The following DIAPH3 variants were observed in gnomAD, a reference collection of about 807,000 sequenced individuals.
The protein encoded by DIAPH3 is diaphanous related formin 3.
A neutral mutation model predicts 144.3 loss-of-function variants in DIAPH3; 117 were observed. That is an observed-to-expected ratio of 0.81 (90% CI 0.70 to 0.95). The LOEUF (loss-of-function observed/expected upper bound fraction) is 0.95, where lower values mean the gene tolerates loss of function less well. Ranked by LOEUF, DIAPH3 falls within the 40% of genes least tolerant of loss-of-function variation. The pLI is 0.00. For missense variants in DIAPH3, 1,421 were observed against 1,412.7 expected (o/e 1.01, Z -0.09); for synonymous variants, 519 against 488.9 (o/e 1.06, Z -0.81).
intron 3 of DIAPH3, among the ~76,000 whole-genome samples, chr13:60,111,209 G>T (rs984997251): frequency 6.6e-6 from 1 of 152,066 alleles, no homozygotes; most frequent in Non-Finnish European, 1.5e-5. Context: ...CTTCATATAG[G>T]CCTCATTAAC....
chr13:60,092,695 A>G (rs1464893250), intron 4 of DIAPH3, among the ~76,000 whole-genome samples: 2 of 152,154 alleles, frequency 1.3e-5, no homozygotes, highest in Non-Finnish European at 2.9e-5. Context: ...CAGTACTCAC[A>G]GTGATTTCTA....
chr13:60,036,449 C>A (rs2055227065), intron 5 of DIAPH3, among the ~76,000 whole-genome samples: 2 of 150,688 alleles, frequency 1.3e-5, no homozygotes, highest in East Asian at 1.9e-4. Context: ...TTTTAGTTAA[C>A]TAAATTTAAA....
intron 22 of DIAPH3, among the ~76,000 whole-genome samples, chr13:59,841,802 GT>G (rs2042362852): frequency 6.6e-6 from 1 of 152,082 alleles, no homozygotes; most frequent in Non-Finnish European, 1.5e-5. Flanking sequence ...CGTCTTAAGT[GT>G]TTTCTATTAA....
chr13:60,092,421 G>T (rs2057968720), intron 4 of DIAPH3, among the ~76,000 whole-genome samples: 1 of 152,232 alleles, frequency 6.6e-6, no homozygotes, highest in Admixed American at 6.5e-5. Flanking sequence ...GGGAGGCCAA[G>T]GCGGGCGGAT....
At chr13:60,142,055 A>G (rs557510770) in intron 1 of DIAPH3, among the ~76,000 whole-genome samples, 6 of 152,368 alleles carry the variant, frequency 3.9e-5, no homozygotes, top group Non-Finnish European at 5.9e-5. Flanking sequence ...CTCCAACAGG[A>G]CAAAATGAAG....
chr13:60,156,939 ATTTTTTTTTTTTTTTT>A (rs757042309), intron 1 of DIAPH3, among the ~76,000 whole-genome samples: 6 of 82,066 alleles, frequency 7.3e-5, no homozygotes, highest in African/African-American at 5.4e-5. Flanking sequence ...ATATATATAT[ATTTTTTTTTTTTTTTT>A]TTTTGAGACA....
chr13:59,850,643 A>G (rs1478848242), intron 22 of DIAPH3, among the ~76,000 whole-genome samples: 16 of 151,908 alleles, frequency 1.1e-4, no homozygotes, highest in Admixed American at 1.3e-4. Context: ...CGTATATTGA[A>G]CCAGCCTTGC....
chr13:59,937,033 G>T (rs1389873372), intron 17 of DIAPH3, among the ~76,000 whole-genome samples: 1 of 151,760 alleles, frequency 6.6e-6, no homozygotes, highest in Non-Finnish European at 1.5e-5. Flanking sequence ...CGTGGTGGCG[G>T]GTTCCTGTTG....
intron 2 of DIAPH3, among the ~76,000 whole-genome samples, chr13:60,128,824 G>A (rs1243042988): frequency 1.3e-5 from 2 of 151,070 alleles, no homozygotes; most frequent in Non-Finnish European, 3.0e-5. Flanking sequence ...AAATTAGAAA[G>A]GAATGGAAAT....
At chr13:59,723,532 G>C (rs1009894513) in intron 27 of DIAPH3, among the ~76,000 whole-genome samples, 3 of 151,980 alleles carry the variant, frequency 2.0e-5, no homozygotes, top group Admixed American at 1.3e-4. Context: ...AAGTATTCAA[G>C]TCTCCTGGTA....
chr13:59,815,926 C>G (rs1158653788), intron 24 of DIAPH3, among the ~76,000 whole-genome samples: 1 of 152,056 alleles, frequency 6.6e-6, no homozygotes, highest in Non-Finnish European at 1.5e-5. Context: ...GCTATACTGA[C>G]TAGGAGTTAG....
chr13:59,999,692 T>C (rs1016291950), intron 9 of DIAPH3, among the ~76,000 whole-genome samples: 1 of 152,066 alleles, frequency 6.6e-6, no homozygotes, highest in African/African-American at 2.4e-5. Flanking sequence ...CTTGTCAAGC[T>C]CTCTTAGAAT....
At chr13:60,090,655 G>A (rs762775708) in intron 4 of DIAPH3, among the ~76,000 whole-genome samples, 2 of 152,036 alleles carry the variant, frequency 1.3e-5, no homozygotes, top group Non-Finnish European at 2.9e-5. Context: ...TTTTTCAATA[G>A]TCATTAATGT....
At chr13:59,829,561 T>C (rs2041665298) in intron 24 of DIAPH3, among the ~76,000 whole-genome samples, 1 of 151,828 alleles carries the variant, frequency 6.6e-6, no homozygotes, top group South Asian at 2.1e-4. Flanking sequence ...ATTAAATGGG[T>C]AAATATAGCT....
At chr13:59,759,736 G>T (rs2037476251) in intron 27 of DIAPH3, among the ~76,000 whole-genome samples, 1 of 152,046 alleles carries the variant, frequency 6.6e-6, no homozygotes, top group East Asian at 1.9e-4. Flanking sequence ...ATGAGGTCAG[G>T]AGTTCGAGAC....
At chr13:59,837,672 T>C (rs1262870584) in intron 23 of DIAPH3, 1 of 151,442 alleles carries the variant, frequency 6.6e-6, no homozygotes, top group Non-Finnish European at 1.5e-5. Context: ...TGATGAAACA[T>C]ATAACTGCAA....
At chr13:59,980,311 T>G (rs901258093) in intron 14 of DIAPH3, among the ~76,000 whole-genome samples, 3 of 151,650 alleles carry the variant, frequency 2.0e-5, no homozygotes, top group Admixed American at 1.3e-4. Flanking sequence ...AAAATTTTTA[T>G]ATATGATTTC....
chr13:59,742,802 GAT>G (rs2036529162), intron 27 of DIAPH3, among the ~76,000 whole-genome samples: 1 of 152,150 alleles, frequency 6.6e-6, no homozygotes, highest in Non-Finnish European at 1.5e-5. Flanking sequence ...ATTTGATGTT[GAT>G]ATTTAAGTAG....
Position 59,784,482 on chromosome 13 carries a change from T to A in DIAPH3, c.3164-9659A>T, listed in dbSNP as rs954502392. 5.9e-5 allele frequency among the ~76,000 whole-genome samples: 9 copies of A among 152,132 alleles called. No individual in the cohort carries two copies. The East Asian group carries it at 1.5e-3, about 26-fold the overall frequency. On this transcript the variant is annotated intron_variant, in intron 25 of 27. Coordinates refer to ENST00000400324, the MANE Select transcript of DIAPH3 (RefSeq NM_001042517.2). ...CCTCTGCCTCCCAGGTTCAAGTGATTCTCATGCTTCAGCCTTCAGAGTAGC... is the reference window on the plus strand; with the variant it reads ...CCTCTGCCTCCCAGGTTCAAGTGATACTCATGCTTCAGCCTTCAGAGTAGC...
Sources: allele counts gnomAD v4.1 joint callset (sites outside exome capture counted in the v4.1 genomes callset), GRCh38; gene constraint gnomAD v4.1.1; transcripts MANE v1.5; gene names NCBI Gene and HGNC (gene_info 2026-07-23, HGNC 2026-07-21).